HBS1L: variants seen among roughly 807,000 people sequenced by gnomAD.
HBS1L encodes HBS1 like translational GTPase, also known as HBS1-like protein.
HBS1L carries 55 observed loss-of-function variants against 88.9 expected under a neutral mutation model. The observed-to-expected ratio is 0.62, with a 90% confidence interval of 0.50 to 0.77. The LOEUF is 0.77. Ranked by LOEUF, HBS1L falls within the 30% of genes least tolerant of loss-of-function variation. The pLI, the probability that HBS1L is intolerant of heterozygous loss-of-function variation, is 0.00. For missense variants in HBS1L, 741 were observed against 829.3 expected, an observed-to-expected ratio of 0.89 and a Z score of 1.31; for synonymous variants, 267 against 288.5, an observed-to-expected ratio of 0.93 and a Z score of 0.76.
chr6:135,043,608 A>T (rs1776820010), intron 2 of HBS1L, among the ~76,000 whole-genome samples: 1 of 152,210 alleles, frequency 6.6e-6, no homozygotes. Flanking sequence ...AAACGTAATG[A>T]CTTATTCTAA....
chr6:135,004,644 G>C (rs960219988), intron 4 of HBS1L, among the ~76,000 whole-genome samples: 1 of 152,128 alleles, frequency 6.6e-6, no homozygotes, highest in African/African-American at 2.4e-5. Context: ...AAGCAAAAGA[G>C]AGGGGAAAGG....
chr6:135,031,416 A>G (rs1404066633), intron 4 of HBS1L, among the ~76,000 whole-genome samples: 5 of 152,108 alleles, frequency 3.3e-5, no homozygotes, highest in Non-Finnish European at 5.9e-5. Context: ...TCGACTATAT[A>G]TGTATGCATA....
At chr6:135,034,590 GC>G (rs1413981226) in intron 4 of HBS1L, among the ~76,000 whole-genome samples, 5 of 152,222 alleles carry the variant, frequency 3.3e-5, no homozygotes, top group Non-Finnish European at 7.3e-5. Flanking sequence ...GTTGCAGTGA[GC>G]CGAGATCATG....
Position 134,963,490 on chromosome 6 carries a change from A to C in HBS1L, c.*1789T>G, listed in dbSNP as rs983823713. Reference sequence around the variant, plus strand: ...GACTGCAGTGATGTGATCATGGCTCACTGCAGCCTCGACCTCCTGGGCTCA... The same window carrying C: ...GACTGCAGTGATGTGATCATGGCTCCCTGCAGCCTCGACCTCCTGGGCTCA... On this transcript the variant is annotated 3_prime_UTR_variant, in exon 18 of 18. Coordinates refer to ENST00000367837, the MANE Select transcript of HBS1L (RefSeq NM_006620.4). 2 of 152,254 alleles carry C rather than the reference A, an allele frequency of 1.3e-5. No homozygotes were observed. Among genetic ancestry groups the C allele is most frequent in the African/African-American group, 2.4e-5 (1 of 41,394 alleles). 9.4% of individuals were successfully genotyped at this position (152,254 alleles called of 1,614,324 possible).
chr6:135,043,164 C>T (rs1325650126), intron 2 of HBS1L, among the ~76,000 whole-genome samples: 2 of 152,198 alleles, frequency 1.3e-5, no homozygotes, highest in African/African-American at 4.8e-5. Flanking sequence ...ACAGGCATAT[C>T]CACAGTACTA....
chr6:135,024,670 T>C (rs901285066), intron 4 of HBS1L, among the ~76,000 whole-genome samples: 2 of 151,580 alleles, frequency 1.3e-5, no homozygotes, highest in African/African-American at 2.4e-5. Context: ...TGGGAATGTA[T>C]AACATAATTA....
rs1673372939 is a variant in HBS1L at position 135,039,161 on chromosome 6, AC to A, written c.430+411del. 2.6e-5 allele frequency among the ~76,000 whole-genome samples: 4 copies of A among 151,010 alleles called. No homozygotes were observed. In the South Asian group the frequency reaches 6.3e-4, roughly 24 times the overall value. On this transcript the variant is annotated intron_variant, in intron 4 of 17. Coordinates refer to ENST00000367837, the MANE Select transcript of HBS1L (RefSeq NM_006620.4). ...AACCCCATCACTACTAAAAATACAA[AC>A]AAAAAAAAAAGCCAGGCATGGTGGC...
chr6:135,020,220 T>C (rs769901101), intron 4 of HBS1L, among the ~76,000 whole-genome samples: 3 of 151,440 alleles, frequency 2.0e-5, no homozygotes, highest in African/African-American at 4.8e-5. Context: ...GACTTTAACA[T>C]AATAATCCAC....
intron 4 of HBS1L, among the ~76,000 whole-genome samples, chr6:135,039,275 G>C (rs1776653234): frequency 6.6e-6 from 1 of 152,046 alleles, no homozygotes; most frequent in Non-Finnish European, 1.5e-5. Context: ...GCAAAATCAT[G>C]CCACTGCACT....
chr6:135,002,656 C>T, intron 5 of HBS1L, 78 bp downstream of exon 5: 1 of 759,780 alleles, frequency 1.3e-6, no homozygotes, highest in South Asian at 1.4e-5. Flanking sequence ...TTGAAACAGT[C>T]TCTTTCTTAC....
At chr6:134,985,755 T>TG (rs1452213358) in intron 11 of HBS1L, among the ~76,000 whole-genome samples, 1 of 152,158 alleles carries the variant, frequency 6.6e-6, no homozygotes, top group Non-Finnish European at 1.5e-5. Context: ...CCAAACACTT[T>TG]GGGTCCCAAG....
At chr6:135,038,675 AT>A (rs1304552256) in intron 4 of HBS1L, among the ~76,000 whole-genome samples, 4 of 152,224 alleles carry the variant, frequency 2.6e-5, no homozygotes, top group Non-Finnish European at 4.4e-5. Flanking sequence ...AAACTGAGAG[AT>A]AGCATGCCAA....
Position 135,054,636 on chromosome 6 carries a change from C to G in HBS1L, c.43+13G>C. The G allele has an allele frequency of 6.2e-7, 1 of 1,614,052 alleles. No individual in the cohort carries two copies. The highest frequency in any genetic ancestry group is 2.2e-5 in the East Asian group (1 of 44,898). ...CCGGGAAAAGAACGTCCCGGCATGA[C>G]CCTGCCACCTACCTTCATCGTAGTT... On this transcript the variant is annotated intron_variant, in intron 1 of 17. Coordinates refer to ENST00000367837, the MANE Select transcript of HBS1L (RefSeq NM_006620.4).
intron 15 of HBS1L, among the ~76,000 whole-genome samples, chr6:134,972,133 T>C (rs1382680749): frequency 6.6e-6 from 1 of 152,208 alleles, no homozygotes; most frequent in Non-Finnish European, 1.5e-5. Flanking sequence ...AAACCATTGC[T>C]CTAAAGGGTT....
At chr6:134,974,494 G>A (rs1774585680) in intron 15 of HBS1L, among the ~76,000 whole-genome samples, 1 of 152,062 alleles carries the variant, frequency 6.6e-6, no homozygotes, top group South Asian at 2.1e-4. Flanking sequence ...GATAAACACA[G>A]ATGCAAAAAT....
In HBS1L at chr6:134,987,633, G is replaced by C; in HGVS notation, c.1230+12C>G. On this transcript the variant is annotated intron_variant, in intron 9 of 17. Coordinates refer to ENST00000367837, the MANE Select transcript of HBS1L (RefSeq NM_006620.4). The stretch of plus-strand genomic sequence containing the variant: ...AGCATCTTAAACAAATCTCCACAAA[G>C]CCCTTAAATACCTGATCCATTTTAT... The C allele has an allele frequency of 6.3e-7, 1 of 1,584,292 alleles. No individual in the cohort carries two copies. Among genetic ancestry groups the C allele is most frequent in the African/African-American group, 1.4e-5 (1 of 73,404 alleles).
chr6:134,970,258 C>T lies in HBS1L; in HGVS notation c.1798-920G>A, dbSNP rs183884540. Among the ~76,000 whole-genome samples, 3 of 152,226 alleles carry T rather than the reference C, an allele frequency of 2.0e-5. No homozygotes were observed. In the East Asian group the frequency reaches 5.8e-4, roughly 29 times the overall value. On this transcript the variant is annotated intron_variant, in intron 15 of 17. Coordinates refer to ENST00000367837, the MANE Select transcript of HBS1L (RefSeq NM_006620.4). ...GGCAATTCTCCTGCCTCAGCCCTTA[C>T]AGCAGCTGGGATTACAGGTGCACAC...
At chr6:135,015,084 T>C (rs1775882633) in intron 4 of HBS1L, among the ~76,000 whole-genome samples, 1 of 151,764 alleles carries the variant, frequency 6.6e-6, no homozygotes, top group African/African-American at 2.4e-5. Context: ...TAGAAATCCA[T>C]AGAAAACAGT....
intron 8 of HBS1L, among the ~76,000 whole-genome samples, 158 bp downstream of exon 8, chr6:134,993,600 A>G (rs770357138): frequency 3.9e-5 from 6 of 152,218 alleles, no homozygotes; most frequent in Non-Finnish European, 1.5e-5. Context: ...AAGATCATGA[A>G]AAATACAATA....
Sources: allele counts gnomAD v4.1 joint callset (sites outside exome capture counted in the v4.1 genomes callset), GRCh38; gene constraint gnomAD v4.1.1; transcripts MANE v1.5; gene names NCBI Gene and HGNC (gene_info 2026-07-23, HGNC 2026-07-21).